Variants in PAK2 observed in about 807,000 individuals in gnomAD.
PAK2 encodes the protein p21 (RAC1) activated kinase 2, also known as serine/threonine-protein kinase PAK 2.
PAK2 carries 21 observed loss-of-function variants against 65.9 expected under a neutral mutation model. The observed-to-expected ratio is 0.32, with a 90% CI of 0.23 to 0.46. PAK2 has a LOEUF of 0.46. Ranked by LOEUF, PAK2 falls within the 20% of genes least tolerant of loss-of-function variation. The pLI, the probability that PAK2 is intolerant of heterozygous loss-of-function variation, is 1.00. For synonymous variants in PAK2, 204 were observed against 219.7 expected, an observed-to-expected ratio of 0.93 and a Z score of 0.63; for missense variants, 324 against 642.6, an observed-to-expected ratio of 0.50 and a Z score of 5.36.
intron 3 of PAK2, among the ~76,000 whole-genome samples, chr3:196,802,599 CTT>C (rs949328357): frequency 6.6e-6 from 1 of 152,164 alleles, no homozygotes; most frequent in African/African-American, 2.4e-5. Context: ...AATCCCAGCA[CTT>C]TGGGAGGCCG....
intron 1 of PAK2, chr3:196,747,375 GC>G (rs1713422709): frequency 6.6e-6 from 1 of 152,040 alleles, no homozygotes; most frequent in African/African-American, 2.4e-5. Flanking sequence ...TTCTTAATTT[GC>G]TTTTGAATGC....
chr3:196,815,662 C>T (rs1715999403), intron 11 of PAK2, among the ~76,000 whole-genome samples: 1 of 151,848 alleles, frequency 6.6e-6, no homozygotes, highest in African/African-American at 2.4e-5. Flanking sequence ...TGGTACGCGC[C>T]TGTAGTCTCA....
At chr3:196,816,891 A>C (rs1408557818) in intron 11 of PAK2, among the ~76,000 whole-genome samples, 4 of 152,156 alleles carry the variant, frequency 2.6e-5, no homozygotes, top group Non-Finnish European at 5.9e-5. Context: ...TTATTCTTGC[A>C]TCATTCATGT....
At chr3:196,741,130 A>G (rs1489404786) in intron 1 of PAK2, among the ~76,000 whole-genome samples, 3 of 152,160 alleles carry the variant, frequency 2.0e-5, no homozygotes, top group African/African-American at 7.2e-5. Flanking sequence ...AAAAGACAAA[A>G]TGGTTAGGCC....
rs1394654234 is a variant in PAK2 at position 196,793,033 on chromosome 3, G to A, written c.188-8894G>A. Among the ~76,000 whole-genome samples the A allele has an allele frequency of 5.3e-5, 8 of 152,120 alleles. 1 individual carries two copies. The South Asian group carries it at 1.5e-3, about 28-fold the overall frequency. The stretch of plus-strand genomic sequence containing the variant: ...GGAAGCTCAAGATTTAGAGGCACAC[G>A]ACACTGTGTCGGAGTGGGGGTAGGA... On this transcript the variant is annotated intron_variant, in intron 2 of 14. Coordinates refer to ENST00000327134, the MANE Select transcript of PAK2 (RefSeq NM_002577.4).
intron 1 of PAK2, among the ~76,000 whole-genome samples, chr3:196,777,081 A>ATATCAGTCT (rs1369362900): frequency 6.6e-6 from 1 of 152,232 alleles, no homozygotes; most frequent in African/African-American, 2.4e-5. Context: ...ATGTCAAAGA[A>ATATCAGTCT]TATCAGTCTT....
intron 1 of PAK2, among the ~76,000 whole-genome samples, chr3:196,759,957 C>T (rs181483420): frequency 7.2e-5 from 11 of 152,270 alleles, no homozygotes; most frequent in East Asian, 3.9e-4. Context: ...ATCTCCCCGC[C>T]GGCCCCAAAT....
chr3:196,764,864 A>G (rs1490935377), intron 1 of PAK2, among the ~76,000 whole-genome samples: 2 of 122,976 alleles, frequency 1.6e-5, no homozygotes, highest in South Asian at 2.6e-4. Flanking sequence ...TTTTTTTGAG[A>G]CGGAGTCTTG....
At chr3:196,818,298 C>T (rs1264554702) in intron 12 of PAK2, 142 bp downstream of exon 12, 1 of 531,962 alleles carries the variant, frequency 1.9e-6, no homozygotes, top group South Asian at 2.7e-5. Context: ...GAGTGATCCT[C>T]TGAGGGTTTT....
chr3:196,761,175 T>C (rs1031377220), intron 1 of PAK2, among the ~76,000 whole-genome samples: 3 of 145,542 alleles, frequency 2.1e-5, no homozygotes, highest in Non-Finnish European at 4.5e-5. Context: ...TTTATTTTTT[T>C]ATTGATAATT....
Position 196,827,265 on chromosome 3 carries a change from C to T in PAK2, c.1420C>T (p.Arg474Trp), listed in dbSNP as rs764180725. 1.7e-5 allele frequency: 28 copies of T among 1,611,282 alleles called. No homozygotes were observed. In the South Asian group the frequency reaches 3.0e-4, roughly 17 times the overall value. Residue 474 changes from arginine (R) to tryptophan (W), a missense_variant, in exon 14 of 15, where the codon CGG becomes TGG. By Grantham distance (101) the Arg-to-Trp change is moderately radical. Coordinates refer to ENST00000327134, the MANE Select transcript of PAK2 (RefSeq NM_002577.4). ...QNPEKLSPIF[R>W]DFLNRCLEMD... is the part of the protein sequence containing the mutation. ...TCCAGAGAAACTTTCCCCAATATTT[C>T]GGGATTTCTTAAATCGATGTTTGGA...
intron 13 of PAK2, among the ~76,000 whole-genome samples, chr3:196,823,362 G>A (rs74783995): frequency 0.015 from 2,305 of 152,186 alleles, 71 homozygotes; most frequent in African/African-American, 0.053. Context: ...CCAGGAGTAC[G>A]CTCAGGCTTC....
intron 1 of PAK2, among the ~76,000 whole-genome samples, chr3:196,758,697 CA>C (rs1446730916): frequency 1.3e-5 from 2 of 152,038 alleles, no homozygotes; most frequent in Admixed American, 1.3e-4. Context: ...CTCTACTGCC[CA>C]GGGTGGAGTG....
In PAK2 at chr3:196,802,897, T is replaced by C. The variant is rs1331629121; in HGVS notation, c.289-120T>C. On this transcript the variant is annotated intron_variant, in intron 3 of 14. Transcript: ENST00000327134. ...CTTTAGAAAATGAGATCTTTTAAAA[T>C]TTACTCAAACCTACACTCAAAAGAT... 4 of 593,556 alleles carry C rather than the reference T, an allele frequency of 6.7e-6. No individual in the cohort carries two copies. In the African/African-American group the frequency reaches 7.8e-5, roughly 12 times the overall value. 36.8% of individuals were successfully genotyped at this position (593,556 alleles called of 1,614,324 possible).
At chr3:196,828,274 G>A in intron 14 of PAK2, 45 bp from the exon 15 acceptor site, 1 of 1,101,390 alleles carries the variant, frequency 9.1e-7, no homozygotes, top group Non-Finnish European at 1.4e-6. Flanking sequence ...TTTCTAACCT[G>A]ATGAATGGCA....
chr3:196,804,024 C>G (rs1238320326), intron 4 of PAK2, among the ~76,000 whole-genome samples: 2 of 152,068 alleles, frequency 1.3e-5, no homozygotes, highest in Non-Finnish European at 2.9e-5. Flanking sequence ...CTTTTCTTGA[C>G]GTTTATTTAT....
chr3:196,759,492 TTTTTTG>T (rs372216604), intron 1 of PAK2, among the ~76,000 whole-genome samples: 22 of 108,688 alleles, frequency 2.0e-4, no homozygotes, highest in Admixed American at 4.4e-4. Context: ...TTAAGTGGTT[TTTTTTG>T]TTTTTTTTTT....
At chr3:196,793,126 C>G (rs1002940616) in intron 2 of PAK2, among the ~76,000 whole-genome samples, 5 of 152,156 alleles carry the variant, frequency 3.3e-5, no homozygotes, top group Non-Finnish European at 5.9e-5. Flanking sequence ...AAAGGCCCCC[C>G]AGGACTCCTC....
At chr3:196,782,603 A>G (rs368066557) in intron 1 of PAK2, 23 bp from the exon 2 acceptor site, 4 of 1,183,906 alleles carry the variant, frequency 3.4e-6, no homozygotes, top group Middle Eastern at 2.3e-4. Context: ...CTTTGTTACT[A>G]ATTGTATTTT....
Sources: gnomAD v4.1 joint callset for allele counts (sites outside exome capture counted in the v4.1 genomes callset) on GRCh38, gnomAD v4.1.1 for gene constraint, MANE v1.5 for transcripts, NCBI Gene and HGNC (gene_info 2026-07-23, HGNC 2026-07-21) for gene names.